SLC41A2: variants seen among roughly 807,000 people sequenced by gnomAD.
The protein encoded by SLC41A2 is SLC41A1-like 1.
SLC41A2 carries 32 observed loss-of-function variants against 58.3 expected under a neutral mutation model. That is an observed-to-expected ratio of 0.55 (90% CI 0.41 to 0.74). The LOEUF (loss-of-function observed/expected upper bound fraction) is 0.74, where lower values mean the gene tolerates loss of function less well. Ranked by LOEUF, SLC41A2 falls within the 30% of genes least tolerant of loss-of-function variation. The probability of loss-of-function intolerance (pLI) is 0.00; values close to 1 mark genes in which losing one functional copy is unlikely to be tolerated. For synonymous variants in SLC41A2, 190 were observed against 235.0 expected (o/e 0.81, Z 1.75); for missense variants, 514 against 680.6 (o/e 0.76, Z 2.72).
chr12:104,957,077 G>A (rs186573466), intron 1 of SLC41A2, among the ~76,000 whole-genome samples: 9 of 152,218 alleles, frequency 5.9e-5, no homozygotes, highest in East Asian at 1.9e-4. Flanking sequence ...CCACAAAAAC[G>A]TGTAAACAAA....
chr12:104,839,893 A>G (rs924731376), intron 10 of SLC41A2, among the ~76,000 whole-genome samples: 1 of 152,138 alleles, frequency 6.6e-6, no homozygotes, highest in Non-Finnish European at 1.5e-5. Flanking sequence ...GTTTTTTCAT[A>G]GAGGATATAT....
intron 10 of SLC41A2, among the ~76,000 whole-genome samples, chr12:104,828,129 C>T (rs557739944): frequency 1.5e-4 from 23 of 152,302 alleles, no homozygotes; most frequent in African/African-American, 5.3e-4. Flanking sequence ...TCAAGAGGAG[C>T]ACATCAGCAG....
chr12:104,907,821 G>T (rs536988956), intron 3 of SLC41A2, among the ~76,000 whole-genome samples: 1 of 152,180 alleles, frequency 6.6e-6, no homozygotes, highest in Non-Finnish European at 1.5e-5. Context: ...CTGGAAAGCA[G>T]TTAGCAAAGG....
At chr12:104,862,090 C>T (rs2043235375) in intron 7 of SLC41A2, among the ~76,000 whole-genome samples, 1 of 152,152 alleles carries the variant, frequency 6.6e-6, no homozygotes, top group South Asian at 2.1e-4. Flanking sequence ...CATTGCCAGT[C>T]CTAATATTCC....
chr12:104,936,472 G>A (rs1378713026), intron 1 of SLC41A2, among the ~76,000 whole-genome samples: 1 of 152,190 alleles, frequency 6.6e-6, no homozygotes, highest in Non-Finnish European at 1.5e-5. Flanking sequence ...ACAAAAGAAA[G>A]AGGTTTAGTT....
At chr12:104,880,740 G>T (rs1380887607) in intron 6 of SLC41A2, among the ~76,000 whole-genome samples, 1 of 152,098 alleles carries the variant, frequency 6.6e-6, no homozygotes, top group East Asian at 1.9e-4. Flanking sequence ...GAGGATTTTT[G>T]TGTCAATGTT....
intron 10 of SLC41A2, 77 bp downstream of exon 10, chr12:104,844,395 G>T: frequency 1.0e-6 from 1 of 954,676 alleles, no homozygotes; most frequent in Non-Finnish European, 1.4e-6. Context: ...AATGTGTCAT[G>T]TGTTTTTATA....
intron 2 of SLC41A2, among the ~76,000 whole-genome samples, chr12:104,925,340 C>T (rs372302409): frequency 2.2e-4 from 33 of 152,142 alleles, no homozygotes; most frequent in African/African-American, 7.9e-4. Context: ...AGGCGGATCA[C>T]GAGGTCAGGA....
At chr12:104,909,551 G>T in intron 3 of SLC41A2, 104 bp downstream of exon 3, 1 of 750,358 alleles carries the variant, frequency 1.3e-6, no homozygotes, top group Non-Finnish European at 2.2e-6. Flanking sequence ...GCCCTGAAGT[G>T]CAGAAGCATA....
chr12:104,909,747 T>G lies in SLC41A2; in HGVS notation c.571A>C (p.Arg191=), dbSNP rs1157601580. ...LDIVQHWEVF[R]KVTEVFILVP... ...AAAATGAAAACTTCTGTAACTTTTC[T>G]GAACACCTCCCAGTGCTGTAAGAAA... Residue 191 remains arginine (R), a synonymous_variant, in exon 3 of 11, where the codon AGA becomes CGA. Transcript: ENST00000258538. 6.2e-7 allele frequency: 1 copy of G among 1,606,700 alleles called. No individual in the cohort carries two copies. The highest frequency in any genetic ancestry group is 2.2e-5 in the East Asian group (1 of 44,778).
intron 1 of SLC41A2, among the ~76,000 whole-genome samples, chr12:104,936,295 G>T (rs922589848): frequency 2.0e-5 from 3 of 152,144 alleles, no homozygotes; most frequent in African/African-American, 7.2e-5. Context: ...ATGTATACCT[G>T]CTCCTTTGTG....
chr12:104,836,339 T>C (rs191560467), intron 10 of SLC41A2, among the ~76,000 whole-genome samples: 176 of 152,340 alleles, frequency 1.2e-3, no homozygotes, highest in African/African-American at 4.2e-3. Context: ...GCCTAGAACA[T>C]TGTATGGCTC....
chr12:104,860,238 G>T (rs1024871770), intron 8 of SLC41A2, among the ~76,000 whole-genome samples: 2 of 151,924 alleles, frequency 1.3e-5, no homozygotes, highest in African/African-American at 4.8e-5. Flanking sequence ...CCTGTCAGGT[G>T]GGGGGCAAGG....
At chr12:104,920,000 G>A (rs186806424) in intron 2 of SLC41A2, among the ~76,000 whole-genome samples, 3 of 152,254 alleles carry the variant, frequency 2.0e-5, no homozygotes, top group Admixed American at 1.3e-4. Flanking sequence ...TATAAAGCAC[G>A]AGACTCAGGT....
chr12:104,864,345 C>T (rs927082473), intron 7 of SLC41A2, among the ~76,000 whole-genome samples: 1 of 152,164 alleles, frequency 6.6e-6, no homozygotes, highest in Non-Finnish European at 1.5e-5. Context: ...TCTTCTCTTA[C>T]ACGTGGTTGA....
intron 1 of SLC41A2, among the ~76,000 whole-genome samples, chr12:104,941,777 T>C (rs982140378): frequency 1.3e-5 from 2 of 152,230 alleles, no homozygotes; most frequent in African/African-American, 4.8e-5. Context: ...GCTTAAAACC[T>C]AGATGATGGG....
chr12:104,858,725 T>TTA (rs979445030), intron 8 of SLC41A2, among the ~76,000 whole-genome samples: 3 of 152,306 alleles, frequency 2.0e-5, no homozygotes, highest in African/African-American at 7.2e-5. Context: ...TTGCCCAGGC[T>TTA]GGTCTCAAAC....
At chr12:104,839,478 T>C (rs1055886285) in intron 10 of SLC41A2, among the ~76,000 whole-genome samples, 1 of 151,916 alleles carries the variant, frequency 6.6e-6, no homozygotes, top group East Asian at 1.9e-4. Context: ...TTATAGTCTT[T>C]TTTTCTCCTC....
intron 2 of SLC41A2, among the ~76,000 whole-genome samples, chr12:104,920,284 T>C (rs906921087): frequency 6.6e-6 from 1 of 152,172 alleles, no homozygotes; most frequent in Admixed American, 6.5e-5. Flanking sequence ...TTTCTTTCCG[T>C]TTGGATATGA....
Sources: allele counts gnomAD v4.1 joint callset (sites outside exome capture counted in the v4.1 genomes callset), GRCh38; gene constraint gnomAD v4.1.1; transcripts MANE v1.5; gene names NCBI Gene and HGNC (gene_info 2026-07-23, HGNC 2026-07-21).